The following LBH variants were observed in gnomAD, a reference collection of about 807,000 sequenced individuals.
LBH encodes the protein LBH regulator of Wnt signaling pathway, also known as protein LBH.
LBH carries 7 observed loss-of-function variants against 12.5 expected under a neutral mutation model. That is an observed-to-expected ratio of 0.56 (90% confidence interval 0.32 to 1.05). The LOEUF is 1.05. Among genes scored for constraint, LBH ranks in the 50% least tolerant of loss-of-function variants. The pLI, the probability that LBH is intolerant of heterozygous loss-of-function variation, is 0.04. For missense variants in LBH, 119 were observed against 138.9 expected (o/e 0.86, Z 0.72); for synonymous variants, 51 against 50.1 (o/e 1.02, Z -0.08).
rs928937787 is a variant in LBH at position 30,258,988 on chromosome 2, G to C, written c.*1367G>C. The C allele has an allele frequency of 6.6e-6, 1 of 152,484 alleles. No individual in the cohort carries two copies. The allele number at this position is 152,484 out of a possible 1,614,324, so 9.4% of individuals were successfully genotyped here. On this transcript the variant is annotated 3_prime_UTR_variant, in exon 3 of 3. Transcript: ENST00000395323. Reference sequence around the variant, plus strand: ...ATGAGAAAGTTGGCCTTTGGACTTAGGATTTCTTATTGTAGCTAAGAGCCA... The same window carrying C: ...ATGAGAAAGTTGGCCTTTGGACTTACGATTTCTTATTGTAGCTAAGAGCCA...
chr2:30,238,245 C>CT (rs1378295652), intron 2 of LBH, among the ~76,000 whole-genome samples: 20 of 152,340 alleles, frequency 1.3e-4, no homozygotes, highest in African/African-American at 4.6e-4. Flanking sequence ...CCTTGCTACT[C>CT]TAACTTCCTC....
intron 2 of LBH, among the ~76,000 whole-genome samples, chr2:30,240,754 C>T (rs1476627152): frequency 6.6e-6 from 1 of 152,198 alleles, no homozygotes; most frequent in African/African-American, 2.4e-5. Flanking sequence ...CCCTCAAGCC[C>T]CCTCTCCGGT....
chr2:30,242,324 A>G (rs1417450523), intron 2 of LBH, among the ~76,000 whole-genome samples: 1 of 152,050 alleles, frequency 6.6e-6, no homozygotes, highest in Non-Finnish European at 1.5e-5. Flanking sequence ...GCTCACTGCA[A>G]CCTCTGCCTT....
At chr2:30,243,525 CTTTTTTTTTTTT>C (rs886828942) in intron 2 of LBH, among the ~76,000 whole-genome samples, 18 of 110,180 alleles carry the variant, frequency 1.6e-4, no homozygotes, top group African/African-American at 4.2e-4. Context: ...GGGCTGGACT[CTTTTTTTTTTTT>C]TTTTTTTTTT....
chr2:30,250,205 A>C (rs1677955072), intron 2 of LBH, among the ~76,000 whole-genome samples: 1 of 152,098 alleles, frequency 6.6e-6, no homozygotes, highest in Non-Finnish European at 1.5e-5. Flanking sequence ...GTAGAAGCTT[A>C]CTGTGTGGTT....
At chr2:30,245,128 T>A (rs78880502) in intron 2 of LBH, among the ~76,000 whole-genome samples, 1 of 152,282 alleles carries the variant, frequency 6.6e-6, no homozygotes, top group East Asian at 1.9e-4. Context: ...GACTAAAAAC[T>A]TTCAAACATA....
chr2:30,258,118 T>C lies in LBH; in HGVS notation c.*497T>C, dbSNP rs888773143. Reference sequence around the variant, plus strand: ...GGATGCGCTCAGCAGACATTCACTCTGGCTGCTGGGACATCAGAAAACAAA... The same window carrying C: ...GGATGCGCTCAGCAGACATTCACTCCGGCTGCTGGGACATCAGAAAACAAA... On this transcript the variant is annotated 3_prime_UTR_variant, in exon 3 of 3. Coordinates refer to ENST00000395323, the MANE Select transcript of LBH (RefSeq NM_030915.4). 6.5e-6 allele frequency: 1 copy of C among 154,606 alleles called. No individual in the cohort carries two copies. The highest frequency in any genetic ancestry group is 2.4e-5 in the African/African-American group (1 of 41,468). 9.6% of individuals were successfully genotyped at this position (154,606 alleles called of 1,614,324 possible).
chr2:30,250,888 G>T (rs547003826), intron 2 of LBH, among the ~76,000 whole-genome samples: 1 of 151,694 alleles, frequency 6.6e-6, no homozygotes, highest in African/African-American at 2.4e-5. Context: ...TTCATCGTCC[G>T]CATACTAAAT....
At chr2:30,247,888 T>G (rs1677903815) in intron 2 of LBH, among the ~76,000 whole-genome samples, 1 of 152,250 alleles carries the variant, frequency 6.6e-6, no homozygotes. Context: ...CTCGCCAAGG[T>G]GCCAGCAGTT....
At chr2:30,233,503 A>C (rs1242271514) in intron 1 of LBH, among the ~76,000 whole-genome samples, 1 of 152,262 alleles carries the variant, frequency 6.6e-6, no homozygotes, top group Non-Finnish European at 1.5e-5. Flanking sequence ...AACCATGTGC[A>C]CAGGCACGAT....
rs113721073 is a variant in LBH, at chr2:30,257,790, C to CTTTTTTTTT, written c.*174_*182dup. The CTTTTTTTTT allele has an allele frequency of 8.2e-5, 33 of 402,870 alleles. No individual in the cohort carries two copies. Among genetic ancestry groups the CTTTTTTTTT allele is most frequent in the Middle Eastern group, 6.2e-4 (1 of 1,624 alleles). The allele number at this position is 402,870 out of a possible 1,614,324, so 25.0% of individuals were successfully genotyped here. On this transcript the variant is annotated 3_prime_UTR_variant, in exon 3 of 3. Transcript: ENST00000395323. ...AGTTGGTTTTCTTTTCTTTTCTTGCCTTTTTTTTTTTTTGAAATTTGCCGA... is the reference window on the plus strand; with the variant it reads ...AGTTGGTTTTCTTTTCTTTTCTTGCCTTTTTTTTTTTTTTTTTTTTTTGAAATTTGCCGA...
chr2:30,248,323 A>G (rs1677912207), intron 2 of LBH, among the ~76,000 whole-genome samples: 1 of 151,884 alleles, frequency 6.6e-6, no homozygotes, highest in Non-Finnish European at 1.5e-5. Flanking sequence ...TAGAGACGGA[A>G]TGAAAGTGGA....
In LBH at chr2:30,246,827, CCTTT is replaced by C. The variant is rs988188807; in HGVS notation, c.130-10592_130-10589del. ...TCACTCCCTCCCTCCCTCCCTCCCT[CCTTT>C]CTTTCTTTCTTTCAGCGTTTTGCTC... is the stretch of plus-strand genomic sequence containing the variant. On this transcript the variant is annotated intron_variant, in intron 2 of 2. Transcript: ENST00000395323. Among the ~76,000 whole-genome samples, 20 of 129,748 alleles carry C rather than the reference CCTTT, an allele frequency of 1.5e-4. No homozygotes were observed. In the East Asian group the frequency reaches 2.8e-3, roughly 18 times the overall value. The allele number at this position is 129,748 out of a possible 152,430, so 85.1% of individuals were successfully genotyped here. A position where few individuals can be genotyped will look rare whatever the true frequency, so the allele number is the denominator to read the frequency against.
At chr2:30,234,298 C>T (rs1214646585) in intron 1 of LBH, 107 bp from the exon 2 acceptor site, 4 of 880,022 alleles carry the variant, frequency 4.5e-6, no homozygotes, top group Admixed American at 3.7e-5. Context: ...GAACACCTCT[C>T]TTCCTGTCTC....
chr2:30,251,132 G>A (rs1572382964), intron 2 of LBH, among the ~76,000 whole-genome samples: 1 of 129,934 alleles, frequency 7.7e-6, no homozygotes, highest in Non-Finnish European at 1.6e-5. Context: ...TCTGCTCATT[G>A]CAGCCTTAAC....
intron 2 of LBH, among the ~76,000 whole-genome samples, chr2:30,245,468 C>T (rs980342854): frequency 2.0e-5 from 3 of 152,194 alleles, no homozygotes; most frequent in Admixed American, 6.5e-5. Context: ...AGAATCAAAG[C>T]GATGGCACTG....
At chr2:30,243,910 C>T (rs1677830371) in intron 2 of LBH, among the ~76,000 whole-genome samples, 1 of 152,146 alleles carries the variant, frequency 6.6e-6, no homozygotes, top group African/African-American at 2.4e-5. Context: ...CAACAACTCT[C>T]CAAGGGTCTA....
chr2:30,254,419 G>C (rs1371453772), intron 2 of LBH, among the ~76,000 whole-genome samples: 1 of 152,162 alleles, frequency 6.6e-6, no homozygotes, highest in African/African-American at 2.4e-5. Context: ...GCAAAACTGT[G>C]GATAAGTTGG....
rs1471645105 is a variant in LBH, at chr2:30,259,633, G to T, written c.*2012G>T. On this transcript the variant is annotated 3_prime_UTR_variant, in exon 3 of 3. Coordinates refer to ENST00000395323, the MANE Select transcript of LBH (RefSeq NM_030915.4). ...GTAAACTGCGTAACAAATCTACTTT[G>T]TGTATGTGTCTGTTTATGGGGGTGG... is the stretch of plus-strand genomic sequence containing the variant. The T allele has an allele frequency of 6.6e-6, 1 of 152,554 alleles. No homozygotes were observed. Among genetic ancestry groups the T allele is most frequent in the African/African-American group, 2.4e-5 (1 of 41,432 alleles). 9.5% of individuals were successfully genotyped at this position (152,554 alleles called of 1,614,324 possible). A position where few individuals can be genotyped will look rare whatever the true frequency, so the allele number is the denominator to read the frequency against.
Sources: allele counts gnomAD v4.1 joint callset (sites outside exome capture counted in the v4.1 genomes callset), GRCh38; gene constraint gnomAD v4.1.1; transcripts MANE v1.5; gene names NCBI Gene and HGNC (gene_info 2026-07-23, HGNC 2026-07-21).